Variants in MAP2K2 observed in about 807,000 individuals in gnomAD.
MAP2K2 encodes mitogen-activated protein kinase kinase 2.
A neutral mutation model predicts 43.7 loss-of-function variants in MAP2K2; 24 were observed. That is an observed-to-expected ratio of 0.55 (90% confidence interval 0.40 to 0.77). The LOEUF (loss-of-function observed/expected upper bound fraction) is 0.77, where lower values mean the gene tolerates loss of function less well. Among genes scored for constraint, MAP2K2 ranks in the 30% least tolerant of loss-of-function variants. MAP2K2 has a pLI of 0.00. For missense variants in MAP2K2, 470 were observed against 566.8 expected (o/e 0.83, Z 1.73); for synonymous variants, 244 against 239.7 (o/e 1.02, Z -0.17).
intron 9 of MAP2K2, chr19:4,095,032 C>T (rs978488308): frequency 1.9e-5 from 7 of 359,084 alleles, no homozygotes; most frequent in Non-Finnish European, 3.6e-5. Flanking sequence ...GTGGGGCTGG[C>T]GACCCTCCCA....
rs569209258 is a variant in MAP2K2 at position 4,115,150 on chromosome 19, C to T, written c.303+2269G>A. On this transcript the variant is annotated intron_variant, in intron 2 of 10. Transcript: ENST00000262948. The surrounding 1 kb of genome is among the most constrained non-coding windows in gnomAD (Gnocchi z 4.1). ...ACGAGAGTCCCGTGCGCCCTTTCCC[C>T]GCCTCCCCCAAGATGACTGACATCT... Among the ~76,000 whole-genome samples, 5 of 152,186 alleles carry T rather than the reference C, an allele frequency of 3.3e-5. No individual in the cohort carries two copies. In the South Asian group the frequency reaches 6.2e-4, roughly 19 times the overall value.
chr19:4,092,963 C>A (rs1005526390), intron 10 of MAP2K2, among the ~76,000 whole-genome samples: 2 of 152,140 alleles, frequency 1.3e-5, no homozygotes, highest in African/African-American at 4.8e-5. Flanking sequence ...AATCCCAGCA[C>A]TTTGCGAGGC....
intron 8 of MAP2K2, 63 bp downstream of exon 8, chr19:4,097,216 A>AAAG: frequency 1.7e-6 from 2 of 1,183,616 alleles, no homozygotes; most frequent in Non-Finnish European, 2.4e-6. Context: ...AAAAAAAAAA[A>AAAG]AAAAAAAAAA....
intron 10 of MAP2K2, among the ~76,000 whole-genome samples, chr19:4,091,974 G>A (rs956252822): frequency 6.6e-6 from 1 of 152,186 alleles, no homozygotes; most frequent in African/African-American, 2.4e-5. Flanking sequence ...CAACAGCCAC[G>A]TGTGACCAGC....
intron 3 of MAP2K2, among the ~76,000 whole-genome samples, chr19:4,107,167 G>A (rs181729543): frequency 2.5e-4 from 38 of 152,122 alleles, no homozygotes; most frequent in Admixed American, 2.0e-3. Context: ...AGGCTGAGGC[G>A]GGAGAATCGT....
rs750513646 is a variant in MAP2K2, at chr19:4,110,497, G to A, written c.450+12C>T. ...GAGGCCCTGCCCCTGCCCCTGCCCC[G>A]GACGCACTCACCATGTGTTCCATGC... On this transcript the variant is annotated intron_variant, in intron 3 of 10. Transcript: ENST00000262948. The A allele has an allele frequency of 5.3e-5, 86 of 1,612,474 alleles. No individual in the cohort carries two copies. The highest frequency in any genetic ancestry group is 6.9e-5 in the Non-Finnish European group (81 of 1,179,970).
chr19:4,102,516 TC>T (rs1360861683), intron 3 of MAP2K2, 63 bp from the exon 4 acceptor site: 6 of 1,245,182 alleles, frequency 4.8e-6, no homozygotes, highest in Admixed American at 2.0e-5. Flanking sequence ...CACGGATGCG[TC>T]CCCCCACTCC....
chr19:4,101,479 T>C lies in MAP2K2; in HGVS notation c.529-199A>G, dbSNP rs1321630310. ...GTGCTGACAGCCCTGTGCTGGCGTG[T>C]GCAAGTCAACCCCGGTTCCCATGGC... On this transcript the variant is annotated intron_variant, in intron 4 of 10. Coordinates refer to ENST00000262948, the MANE Select transcript of MAP2K2 (RefSeq NM_030662.4). The surrounding 1 kb of genome is among the most constrained non-coding windows in gnomAD (Gnocchi z 6.3). Among the ~76,000 whole-genome samples, 6 of 152,154 alleles carry C rather than the reference T, an allele frequency of 3.9e-5. No homozygotes were observed. The highest frequency in any genetic ancestry group is 4.4e-5 in the Non-Finnish European group (3 of 68,004).
Position 4,117,464 on chromosome 19 carries a change from G to A in MAP2K2, c.258C>T (p.Val86=), listed in dbSNP as rs148437150. 1.9e-6 allele frequency: 3 copies of A among 1,613,874 alleles called. No individual in the cohort carries two copies. The African/African-American group carries it at 4.0e-5, about 22-fold the overall frequency. The change falls in exon 2 of 11, where the codon GTC becomes GTT. Residue 86 remains valine, a synonymous_variant. Coordinates refer to ENST00000262948, the MANE Select transcript of MAP2K2 (RefSeq NM_030662.4). ...SELGAGNGGV[V]TKVQHRPSGL... is the part of the protein sequence containing the mutation. The stretch of plus-strand genomic sequence containing the variant: ...CCGAGGGTCTGTGCTGGACTTTGGT[G>A]ACCACCCCGCCGTTGCCCGCGCCCA...
intron 3 of MAP2K2, among the ~76,000 whole-genome samples, chr19:4,107,523 C>CAAAAAAAAAA (rs71166959): frequency 1.7e-5 from 1 of 59,320 alleles, no homozygotes; most frequent in Non-Finnish European, 2.9e-5. Flanking sequence ...GACTCCGTCT[C>CAAAAAAAAAA]AAAAAAAAAA....
At chr19:4,093,239 A>G (rs2040871604) in intron 10 of MAP2K2, among the ~76,000 whole-genome samples, 1 of 151,970 alleles carries the variant, frequency 6.6e-6, no homozygotes. Flanking sequence ...AACAAAACCC[A>G]CACACAAAAA....
chr19:4,092,434 C>T (rs1424976518), intron 10 of MAP2K2, among the ~76,000 whole-genome samples: 1 of 151,964 alleles, frequency 6.6e-6, no homozygotes, highest in East Asian at 1.9e-4. Flanking sequence ...ACTAAAAACA[C>T]AAAAATTAGC....
In MAP2K2 at chr19:4,101,440, C is replaced by T. The variant is rs1015224174; in HGVS notation, c.529-160G>A. Among the ~76,000 whole-genome samples the T allele has an allele frequency of 3.3e-5, 5 of 152,174 alleles. No homozygotes were observed. Among genetic ancestry groups the T allele is most frequent in the African/African-American group, 1.2e-4 (5 of 41,432 alleles). On this transcript the variant is annotated intron_variant, in intron 4 of 10. Transcript: ENST00000262948. This position sits in a 1 kb window ranked among gnomAD's most constrained non-coding sequence, Gnocchi z 6.3. ...GCTCGCTGGGGTGGAGCAAGCGAGGCCAGAGACGAGACAGTGCTGACAGCC... is the reference window on the plus strand; with the variant it reads ...GCTCGCTGGGGTGGAGCAAGCGAGGTCAGAGACGAGACAGTGCTGACAGCC...
rs61710801 is a variant in MAP2K2 at position 4,105,155 on chromosome 19, CGTGTGTGTGTGTGTGTGT to C, written c.451-2720_451-2703del. ...TCTGTGCATGACCATACACGTCTAC[CGTGTGTGTGTGTGTGTGT>C]GTGTGTGTGTGTGTGTGTGTGTGTG... On this transcript the variant is annotated intron_variant, in intron 3 of 10. Transcript: ENST00000262948. 6.7e-4 allele frequency among the ~76,000 whole-genome samples: 92 copies of C among 137,752 alleles called. 2 individuals are homozygous for C. In the East Asian group the frequency reaches 9.4e-3, roughly 14 times the overall value. 90.4% of individuals were successfully genotyped at this position (137,752 alleles called of 152,430 possible).
At chr19:4,097,792 CT>C (rs1375842780) in intron 7 of MAP2K2, among the ~76,000 whole-genome samples, 1 of 152,054 alleles carries the variant, frequency 6.6e-6, no homozygotes, top group Non-Finnish European at 1.5e-5. Flanking sequence ...TGGCTGACCC[CT>C]GTCTGAGAAC....
intron 2 of MAP2K2, among the ~76,000 whole-genome samples, chr19:4,117,067 G>A (rs961947823): frequency 2.8e-4 from 42 of 152,352 alleles, no homozygotes; most frequent in African/African-American, 9.6e-4. Flanking sequence ...ACACATAGGC[G>A]CAAACACACA....
At chr19:4,113,116 G>A (rs557543745) in intron 2 of MAP2K2, among the ~76,000 whole-genome samples, 1 of 152,254 alleles carries the variant, frequency 6.6e-6, no homozygotes, top group Admixed American at 6.5e-5. Flanking sequence ...GAAAGAGCGC[G>A]CGTTCGGCTG....
Position 4,090,586 on chromosome 19 carries a change from G to A in MAP2K2, c.*12C>T. The A allele has an allele frequency of 6.5e-7, 1 of 1,546,384 alleles. No homozygotes were observed. Among genetic ancestry groups the A allele is most frequent in the Non-Finnish European group, 8.7e-7 (1 of 1,143,882 alleles). ...GCAGGTCACCAGCGGGACGCAGGGA[G>A]CCCGGCCACTGTCACACGGCGGTGC... On this transcript the variant is annotated 3_prime_UTR_variant, in exon 11 of 11. Coordinates refer to ENST00000262948, the MANE Select transcript of MAP2K2 (RefSeq NM_030662.4).
At chr19:4,097,427 C>T in intron 7 of MAP2K2, 84 bp from the exon 8 acceptor site, 8 of 996,228 alleles carry the variant, frequency 8.0e-6, no homozygotes, top group Non-Finnish European at 1.3e-5. Flanking sequence ...GGGCTGATCA[C>T]CACCAGGCGC....
Sources: allele counts gnomAD v4.1 joint callset (sites outside exome capture counted in the v4.1 genomes callset), GRCh38; gene constraint gnomAD v4.1.1; non-coding constraint Gnocchi (gnomAD v3.1); transcripts MANE v1.5; gene names NCBI Gene and HGNC (gene_info 2026-07-23, HGNC 2026-07-21).